CNOT2: variants seen among roughly 807,000 people sequenced by gnomAD.
CNOT2 encodes CCR4-NOT transcription complex subunit 2.
In CNOT2, 7 loss-of-function variants were observed where a neutral mutation model predicts 72.1. The observed-to-expected ratio is 0.10, with a 90% CI of 0.06 to 0.18. The LOEUF is 0.18. Among genes scored for constraint, CNOT2 ranks in the 10% least tolerant of loss-of-function variants. The pLI, the probability that CNOT2 is intolerant of heterozygous loss-of-function variation, is 1.00. For synonymous variants in CNOT2, 196 were observed against 225.6 expected (o/e 0.87, Z 1.17); for missense variants, 345 against 660.3 (o/e 0.52, Z 5.23).
At chr12:70,305,485 G>C (rs1875120117) in intron 2 of CNOT2, among the ~76,000 whole-genome samples, 2 of 152,164 alleles carry the variant, frequency 1.3e-5, no homozygotes, top group African/African-American at 4.8e-5. Flanking sequence ...AATGACCGTA[G>C]AGATGAAAAG....
At chr12:70,332,671 A>C in intron 6 of CNOT2, 96 bp from the exon 7 acceptor site, 2 of 1,380,786 alleles carry the variant, frequency 1.4e-6, no homozygotes, top group Non-Finnish European at 1.9e-6. Flanking sequence ...ACATATTGTT[A>C]TTTTATATGG....
intron 2 of CNOT2, among the ~76,000 whole-genome samples, chr12:70,300,718 C>T (rs531006068): frequency 1.3e-5 from 2 of 152,172 alleles, no homozygotes; most frequent in East Asian, 3.9e-4. Flanking sequence ...TTTTTGGTGC[C>T]ATATGAACTT....
At position 70,255,092 on chromosome 12, in the gene CNOT2, C is replaced by A. The variant is rs1958366044; in HGVS notation, c.-96+11612C>A. Among the ~76,000 whole-genome samples, 2 of 151,574 alleles carry A rather than the reference C, an allele frequency of 1.3e-5. 1 individual carries two copies. The highest frequency in any genetic ancestry group is 1.3e-4 in the Admixed American group (2 of 15,228). On this transcript the variant is annotated intron_variant, in intron 1 of 15. Coordinates refer to ENST00000229195, the MANE Select transcript of CNOT2 (RefSeq NM_014515.7). ...TGGTAAAAAAAGATTCTGCTATGTT[C>A]ATCGGAGCAGGCCAGTTAATTGAGT...
intron 1 of CNOT2, among the ~76,000 whole-genome samples, chr12:70,256,898 T>C (rs1415830236): frequency 6.6e-6 from 1 of 152,164 alleles, no homozygotes; most frequent in South Asian, 2.1e-4. Context: ...GGAGTAGACA[T>C]GGTAATTTGT....
At chr12:70,243,379 C>CG (rs1464814036), upstream of CNOT2, 2 of 152,592 alleles carry the variant, frequency 1.3e-5, no homozygotes, top group Non-Finnish European at 2.9e-5. Flanking sequence ...GCCGGAGCGA[C>CG]GGGGGTCACG....
chr12:70,323,294 C>T (rs546378512), intron 4 of CNOT2: 16 of 151,664 alleles, frequency 1.1e-4, no homozygotes, highest in African/African-American at 3.6e-4. Context: ...GTCCTCATTG[C>T]CTTTGTATCC....
intron 2 of CNOT2, among the ~76,000 whole-genome samples, chr12:70,298,526 CT>C (rs1431104911): frequency 1.3e-5 from 2 of 152,174 alleles, no homozygotes; most frequent in African/African-American, 4.8e-5. Flanking sequence ...ATTGTTCTTA[CT>C]TTCTAGCGTT....
intron 13 of CNOT2, 107 bp downstream of exon 13, chr12:70,342,414 A>C: frequency 1.6e-6 from 2 of 1,274,462 alleles, no homozygotes; most frequent in Non-Finnish European, 2.2e-6. Context: ...TAATGGTCTC[A>C]GGGATATGCT....
chr12:70,318,264 A>G (rs1877686640), intron 3 of CNOT2, among the ~76,000 whole-genome samples: 1 of 151,940 alleles, frequency 6.6e-6, no homozygotes, highest in Non-Finnish European at 1.5e-5. Context: ...GCATTCTTCT[A>G]TGCCATAACA....
At chr12:70,254,748 G>A (rs943197367) in intron 1 of CNOT2, among the ~76,000 whole-genome samples, 10 of 152,044 alleles carry the variant, frequency 6.6e-5, no homozygotes, top group East Asian at 1.9e-4. Flanking sequence ...TTGGGAGGCC[G>A]AGGCGGGTGG....
At chr12:70,281,100 CT>C (rs1043431207) in intron 2 of CNOT2, among the ~76,000 whole-genome samples, 4 of 88,880 alleles carry the variant, frequency 4.5e-5, no homozygotes, top group Non-Finnish European at 7.2e-5. Context: ...TTTTTTTTTT[CT>C]TTTTTTTTGA....
chr12:70,292,398 G>T (rs1872079044), intron 2 of CNOT2, among the ~76,000 whole-genome samples: 1 of 152,176 alleles, frequency 6.6e-6, no homozygotes. Context: ...AAATGTAAGG[G>T]GTGGGGGACA....
chr12:70,264,033 T>G (rs1411899996), intron 1 of CNOT2, among the ~76,000 whole-genome samples: 1 of 152,222 alleles, frequency 6.6e-6, no homozygotes, highest in African/African-American at 2.4e-5. Flanking sequence ...CTGCTTCTGT[T>G]GGTGTCACAC....
intron 1 of CNOT2, among the ~76,000 whole-genome samples, chr12:70,260,762 G>A (rs998330715): frequency 4.0e-5 from 6 of 151,126 alleles, no homozygotes; most frequent in Admixed American, 1.3e-4. Flanking sequence ...AATCTTTTTA[G>A]TGGCTTCTTT....
At chr12:70,346,018 G>A (rs904474382) in intron 14 of CNOT2, 162 bp from the exon 15 acceptor site, 10 of 528,210 alleles carry the variant, frequency 1.9e-5, no homozygotes, top group South Asian at 1.5e-4. Context: ...ATATTTCAAT[G>A]CGGTTGTATT....
chr12:70,247,563 C>T (rs1397720066), intron 1 of CNOT2, among the ~76,000 whole-genome samples: 1 of 152,100 alleles, frequency 6.6e-6, no homozygotes, highest in Non-Finnish European at 1.5e-5. Context: ...GAACTTCTTC[C>T]ATACTCCTCT....
rs540409391 is a variant in CNOT2 at position 70,353,065 on chromosome 12, ATG to A, written c.1537-760_1537-759del. On this transcript the variant is annotated intron_variant, in intron 15 of 15. Transcript: ENST00000229195. ...ATTTTAATGAGGTTAGAATAATTTTATGTGTTTTCCTTTTTTTTTTTTTTTTA... is the reference window on the plus strand; with the variant it reads ...ATTTTAATGAGGTTAGAATAATTTTATGTTTTCCTTTTTTTTTTTTTTTTA... Among the ~76,000 whole-genome samples the A allele has an allele frequency of 5.7e-4, 80 of 141,284 alleles. 3 individuals are homozygous for A. The highest frequency in any genetic ancestry group is 5.2e-3 in the Admixed American group (75 of 14,394). The allele number at this position is 141,284 out of a possible 152,430, so 92.7% of individuals were successfully genotyped here.
intron 1 of CNOT2, among the ~76,000 whole-genome samples, chr12:70,274,250 G>C (rs1868385209): frequency 6.6e-6 from 1 of 152,022 alleles, no homozygotes; most frequent in Non-Finnish European, 1.5e-5. Flanking sequence ...ATATTTATGT[G>C]ACTGCAGTCT....
intron 2 of CNOT2, among the ~76,000 whole-genome samples, chr12:70,299,467 T>TG (rs2135905196): frequency 6.9e-6 from 1 of 144,626 alleles, no homozygotes; most frequent in East Asian, 2.1e-4. Context: ...AGTGAGAACA[T>TG]GCGGTGTTTG....
Sources: allele counts gnomAD v4.1 joint callset (sites outside exome capture counted in the v4.1 genomes callset), GRCh38; gene constraint gnomAD v4.1.1; transcripts MANE v1.5; gene names NCBI Gene and HGNC (gene_info 2026-07-23, HGNC 2026-07-21).